LRP1B: variants seen among roughly 807,000 people sequenced by gnomAD.
LRP1B encodes low-density lipoprotein receptor-related protein 1B.
Under a neutral mutation model 556.6 loss-of-function variants are expected in LRP1B, and 217 were observed. The ratio of observed to expected loss-of-function variants is 0.39; its 90% CI spans 0.35 to 0.44. The LOEUF is 0.44. LRP1B is among the 20% of genes least tolerant of loss of function. The pLI is 1.00. For missense variants in LRP1B, 5,053 were observed against 5,620.8 expected (o/e 0.90, Z 3.23); for synonymous variants, 2,047 against 1,865.8 (o/e 1.10, Z -2.50).
chr2:141,143,198 G>A (rs1180812953), intron 7 of LRP1B, among the ~76,000 whole-genome samples: 2 of 152,024 alleles, frequency 1.3e-5, no homozygotes, highest in Non-Finnish European at 2.9e-5. Context: ...CAAAGTGTTG[G>A]GATTACAGGC....
chr2:140,750,675 T>C (rs935896625), intron 35 of LRP1B, among the ~76,000 whole-genome samples: 3 of 152,194 alleles, frequency 2.0e-5, no homozygotes, highest in Non-Finnish European at 4.4e-5. Context: ...GGGCATATCA[T>C]TTATCAGTCT....
At chr2:140,864,206 G>A (rs556555729) in intron 27 of LRP1B, among the ~76,000 whole-genome samples, 24 of 151,886 alleles carry the variant, frequency 1.6e-4, no homozygotes, top group African/African-American at 5.6e-4. Flanking sequence ...TGTTATCAAG[G>A]ACTTAGCTAG....
At chr2:141,146,008 T>C (rs1184149705) in intron 7 of LRP1B, among the ~76,000 whole-genome samples, 1 of 145,204 alleles carries the variant, frequency 6.9e-6, no homozygotes, top group African/African-American at 2.6e-5. Context: ...CACCGCAACC[T>C]TCACCTCCTA....
chr2:140,263,547 T>G lies in LRP1B; in HGVS notation c.13247+6695A>C, dbSNP rs75286698. Among the ~76,000 whole-genome samples the G allele has an allele frequency of 2.9e-3, 439 of 152,272 alleles. 3 individuals carry two copies. Among genetic ancestry groups the G allele is most frequent in the African/African-American group, 9.9e-3 (410 of 41,572 alleles). On this transcript the variant is annotated intron_variant, in intron 86 of 90. Coordinates refer to ENST00000389484, the MANE Select transcript of LRP1B (RefSeq NM_018557.3). ...ATCTTTCCCCTCTCACTGTTTACTA[T>G]CAGCAGCAAGGAGAAACCAGGCCAT... is the stretch of plus-strand genomic sequence containing the variant.
chr2:140,666,075 C>T (rs976562115), intron 41 of LRP1B, among the ~76,000 whole-genome samples: 1 of 151,450 alleles, frequency 6.6e-6, no homozygotes, highest in South Asian at 2.1e-4. Context: ...CTCACTGCAA[C>T]CTCTGCCCTC....
intron 66 of LRP1B, among the ~76,000 whole-genome samples, chr2:140,410,960 G>T (rs1018315649): frequency 6.6e-6 from 1 of 152,078 alleles, no homozygotes; most frequent in Non-Finnish European, 1.5e-5. Flanking sequence ...AATGGGTGCC[G>T]GGGTTACCTC....
chr2:141,865,548 C>T (rs541618875), intron 1 of LRP1B, among the ~76,000 whole-genome samples: 3 of 143,556 alleles, frequency 2.1e-5, no homozygotes, highest in East Asian at 2.0e-4. Context: ...GCCGAGATCC[C>T]GCCACTGCAC....
In LRP1B at chr2:140,794,478, A is replaced by AACACAC. The variant is rs6146938; in HGVS notation, c.5360-18246_5360-18241dup. Among the ~76,000 whole-genome samples the AACACAC allele has an allele frequency of 4.7e-3, 705 of 150,008 alleles. 6 individuals carry two copies. The highest frequency in any genetic ancestry group is 0.029 in the Middle Eastern group (8 of 280). On this transcript the variant is annotated intron_variant, in intron 32 of 90. Transcript: ENST00000389484. ...ACTTGGAGGCATATTAGCTATTTAA[A>AACACAC]ACACACACACACACACACACACACA...
intron 47 of LRP1B, 64 bp downstream of exon 47, chr2:140,533,957 G>C: frequency 6.3e-7 from 1 of 1,580,752 alleles, no homozygotes; most frequent in Non-Finnish European, 8.6e-7. Context: ...AGAAACGAAT[G>C]TTGGAAAAGT....
intron 72 of LRP1B, among the ~76,000 whole-genome samples, chr2:140,360,003 A>C (rs1682432776): frequency 6.6e-6 from 1 of 151,612 alleles, no homozygotes; most frequent in Admixed American, 6.6e-5. Flanking sequence ...CACCAGTTAC[A>C]ATCAAAATAG....
chr2:140,790,873 G>A (rs1690092169), intron 32 of LRP1B, among the ~76,000 whole-genome samples: 1 of 152,050 alleles, frequency 6.6e-6, no homozygotes, highest in Non-Finnish European at 1.5e-5. Context: ...GGCCAAGGCA[G>A]GAGGATCACT....
intron 84 of LRP1B, among the ~76,000 whole-genome samples, chr2:140,282,586 A>T (rs1285000193): frequency 6.6e-6 from 1 of 151,754 alleles, no homozygotes; most frequent in Non-Finnish European, 1.5e-5. Flanking sequence ...ATCTCTGTGG[A>T]CATCTTAGGA....
chr2:141,480,377 G>T lies in LRP1B; in HGVS notation c.343+19C>A. The stretch of plus-strand genomic sequence containing the variant: ...TAAAATTTAATATTTCAGTTGCATT[G>T]TTCCACAAATGGACTCACCCTGACA... On this transcript the variant is annotated intron_variant, in intron 3 of 90. Coordinates refer to ENST00000389484, the MANE Select transcript of LRP1B (RefSeq NM_018557.3). The T allele has an allele frequency of 1.2e-6, 2 of 1,613,432 alleles. No homozygotes were observed. Among genetic ancestry groups the T allele is most frequent in the Non-Finnish European group, 8.5e-7 (1 of 1,179,644 alleles).
chr2:140,727,161 T>G (rs976399032), intron 35 of LRP1B, among the ~76,000 whole-genome samples: 5 of 152,176 alleles, frequency 3.3e-5, no homozygotes, highest in African/African-American at 9.7e-5. Flanking sequence ...AAACCTGTAT[T>G]TTAGGTGAAA....
At chr2:141,325,326 C>T (rs1301695162) in intron 3 of LRP1B, among the ~76,000 whole-genome samples, 1 of 151,938 alleles carries the variant, frequency 6.6e-6, no homozygotes, top group Non-Finnish European at 1.5e-5. Flanking sequence ...TCAAGGGCTG[C>T]AGAAAATCAA....
At chr2:141,093,628 T>C (rs778719675) in intron 7 of LRP1B, among the ~76,000 whole-genome samples, 3 of 152,088 alleles carry the variant, frequency 2.0e-5, no homozygotes, top group Non-Finnish European at 4.4e-5. Flanking sequence ...TAACCAAGTT[T>C]GTTGTTGTCT....
At chr2:140,331,151 G>C (rs1008080622) in intron 79 of LRP1B, among the ~76,000 whole-genome samples, 1 of 152,072 alleles carries the variant, frequency 6.6e-6, no homozygotes, top group Non-Finnish European at 1.5e-5. Context: ...GGTCACAATA[G>C]CAAAGACACG....
At chr2:141,368,957 T>A (rs1573866083) in intron 3 of LRP1B, among the ~76,000 whole-genome samples, 1 of 152,270 alleles carries the variant, frequency 6.6e-6, no homozygotes, top group Non-Finnish European at 1.5e-5. Context: ...GAAATGAAAT[T>A]ATTTTTCTTC....
chr2:141,839,178 T>G (rs899633581), intron 1 of LRP1B, among the ~76,000 whole-genome samples: 2 of 152,156 alleles, frequency 1.3e-5, no homozygotes, highest in Admixed American at 6.5e-5. Context: ...CATCCAAAAT[T>G]GTGTTTCCTA....
Sources: gnomAD v4.1 joint callset for allele counts (sites outside exome capture counted in the v4.1 genomes callset) on GRCh38, gnomAD v4.1.1 for gene constraint, MANE v1.5 for transcripts, NCBI Gene and HGNC (gene_info 2026-07-23, HGNC 2026-07-21) for gene names.